Variants in DNAH5 observed in about 807,000 individuals in gnomAD.
DNAH5 encodes axonemal beta dynein heavy chain 5.
In DNAH5, 372 loss-of-function variants were observed where a neutral mutation model predicts 518.2. The observed-to-expected ratio is 0.72, with a 90% CI of 0.66 to 0.78. DNAH5 has a LOEUF of 0.78. Ranked by LOEUF, DNAH5 falls within the 30% of genes least tolerant of loss-of-function variation. The pLI is 0.00. For missense variants in DNAH5, 5,523 were observed against 5,687.0 expected (o/e 0.97, Z 0.93); for synonymous variants, 2,039 against 2,025.9 (o/e 1.01, Z -0.17).
At chr5:13,968,653 T>G (rs1056859729) in intron 1 of DNAH5, among the ~76,000 whole-genome samples, 2 of 152,204 alleles carry the variant, frequency 1.3e-5, no homozygotes, top group African/African-American at 4.8e-5. Flanking sequence ...CCTGAATCCC[T>G]GGTATAAAAC....
chr5:13,857,664 T>G (rs778785172), intron 30 of DNAH5, among the ~76,000 whole-genome samples: 66 of 151,904 alleles, frequency 4.3e-4, no homozygotes, highest in Non-Finnish European at 7.8e-4. Flanking sequence ...CCAAAACAGA[T>G]ATATAGACCA....
At chr5:13,859,377 C>T in intron 30 of DNAH5, 75 bp downstream of exon 30, 1 of 1,487,706 alleles carries the variant, frequency 6.7e-7, no homozygotes, top group Non-Finnish European at 9.4e-7. Context: ...AATATTATTG[C>T]ATTATTTAAG....
At chr5:14,005,908 G>A (rs1052085309) in intron 1 of DNAH5, among the ~76,000 whole-genome samples, 13 of 152,178 alleles carry the variant, frequency 8.5e-5, no homozygotes, top group African/African-American at 2.7e-4. Flanking sequence ...GGAGGCAGCC[G>A]GAAGGCAAAA....
intron 38 of DNAH5, among the ~76,000 whole-genome samples, chr5:13,826,150 G>A (rs983977010): frequency 6.6e-6 from 1 of 152,198 alleles, no homozygotes; most frequent in Non-Finnish European, 1.5e-5. Flanking sequence ...TGGGCATGAA[G>A]GGAAAGTCAC....
intron 32 of DNAH5, among the ~76,000 whole-genome samples, chr5:13,843,836 A>G (rs532672281): frequency 3.3e-5 from 5 of 152,356 alleles, no homozygotes; most frequent in African/African-American, 1.2e-4. Context: ...AGGTTCCCTG[A>G]TGGGCATTCT....
chr5:13,972,084 G>A (rs963146249), intron 1 of DNAH5, among the ~76,000 whole-genome samples: 3 of 152,128 alleles, frequency 2.0e-5, no homozygotes, highest in South Asian at 2.1e-4. Flanking sequence ...GTGTCATACA[G>A]GTGGCCAAGG....
At chr5:13,764,831 T>G (rs1752292389) in intron 59 of DNAH5, among the ~76,000 whole-genome samples, 1 of 152,214 alleles carries the variant, frequency 6.6e-6, no homozygotes, top group African/African-American at 2.4e-5. Context: ...TGAAGCATAT[T>G]ATAGTGTTTC....
At chr5:13,990,279 A>G (rs781497201) in intron 1 of DNAH5, among the ~76,000 whole-genome samples, 7 of 151,782 alleles carry the variant, frequency 4.6e-5, no homozygotes, top group Non-Finnish European at 5.9e-5. Flanking sequence ...GCGGCCAGGC[A>G]CGGTGGCTCA....
chr5:13,863,202 C>T (rs1025633823), intron 28 of DNAH5, among the ~76,000 whole-genome samples: 2 of 152,162 alleles, frequency 1.3e-5, no homozygotes, highest in African/African-American at 4.8e-5. Flanking sequence ...CCTCAACCTT[C>T]TCCTAGACCA....
At chr5:13,733,159 A>G (rs1219700814) in intron 68 of DNAH5, among the ~76,000 whole-genome samples, 1 of 152,198 alleles carries the variant, frequency 6.6e-6, no homozygotes, top group Non-Finnish European at 1.5e-5. Context: ...TACTATGTAG[A>G]TTTTACTATC....
At chr5:13,938,651 G>C (rs1779182943) in intron 1 of DNAH5, among the ~76,000 whole-genome samples, 1 of 151,974 alleles carries the variant, frequency 6.6e-6, no homozygotes, top group Non-Finnish European at 1.5e-5. Flanking sequence ...TTCAGTGGGG[G>C]TCTTGGAATA....
In DNAH5 at chr5:13,792,205, AC is replaced by A; in HGVS notation, c.8236del (p.Val2746Ter). On this transcript the variant is annotated frameshift_variant, in exon 50 of 79. Coordinates refer to ENST00000265104, the MANE Select transcript of DNAH5 (RefSeq NM_001369.3). LOFTEE classifies it high-confidence loss of function. ...SVDKIFGVIG[V>X]GHYCTQRGFS... Reference sequence around the variant, plus strand: ...ACCCCTCTGAGTACAGTAGTGGCCTACCCCAATCACACCTGAAAAGGGGGAA... The same window carrying A: ...ACCCCTCTGAGTACAGTAGTGGCCTACCCAATCACACCTGAAAAGGGGGAA... The A allele has an allele frequency of 6.2e-7, 1 of 1,613,806 alleles. No homozygotes were observed. Among genetic ancestry groups the A allele is most frequent in the Non-Finnish European group, 8.5e-7 (1 of 1,179,744 alleles).
chr5:13,753,228 A>G lies in DNAH5; in HGVS notation c.10872+5T>C. On this transcript the variant is annotated splice_donor_5th_base_variant and intron_variant, in intron 63 of 78. Transcript: ENST00000265104. ...GTAGCATAAACATACTAAAACACAA[A>G]TTACCTGGAGTTCATTTCGGCTTTC... 1 of 1,611,324 alleles carries G rather than the reference A, an allele frequency of 6.2e-7. No homozygotes were observed.
chr5:13,971,913 C>T (rs1323052645), intron 1 of DNAH5, among the ~76,000 whole-genome samples: 1 of 152,070 alleles, frequency 6.6e-6, no homozygotes, highest in Non-Finnish European at 1.5e-5. Context: ...CTTCAGCTAC[C>T]AAGGTGGGTA....
chr5:13,701,132 C>T lies in DNAH5; in HGVS notation c.13491+152G>A, dbSNP rs1742051097. The T allele has an allele frequency of 2.8e-6, 3 of 1,059,694 alleles. No individual in the cohort carries two copies. The South Asian group carries it at 4.3e-5, about 15-fold the overall frequency. The allele number at this position is 1,059,694 out of a possible 1,614,324, so 65.6% of individuals were successfully genotyped here. On this transcript the variant is annotated intron_variant, in intron 77 of 78. Coordinates refer to ENST00000265104, the MANE Select transcript of DNAH5 (RefSeq NM_001369.3). ...AGTCGAGCTAGCAGCCTGAGAACAA[C>T]TGGCTGGGATTTATGTACATGACAA...
chr5:13,692,091 G>C lies in DNAH5; in HGVS notation c.13768C>G (p.Pro4590Ala). 6.2e-7 allele frequency: 1 copy of C among 1,614,016 alleles called. No homozygotes were observed. Among genetic ancestry groups the C allele is most frequent in the Non-Finnish European group, 8.5e-7 (1 of 1,179,968 alleles). The change falls in exon 79 of 79, where the codon CCA (proline) becomes GCA (alanine). Residue 4590 changes from proline to alanine, a missense_variant. Pro to Ala is a conservative substitution (Grantham distance 27). Transcript: ENST00000265104. ...RFYSCPIYKKPVRTDLNYIAA... is the reference protein window; with the variant it reads ...RFYSCPIYKKAVRTDLNYIAA... Reference sequence around the variant, plus strand: ...ATGTAGTTCAAGTCCGTTCGAACTGGCTTCTTATAGATGGGACAGGAGTAA... The same window carrying C: ...ATGTAGTTCAAGTCCGTTCGAACTGCCTTCTTATAGATGGGACAGGAGTAA...
At chr5:13,863,138 T>A (rs1768730477) in intron 28 of DNAH5, among the ~76,000 whole-genome samples, 1 of 152,166 alleles carries the variant, frequency 6.6e-6, no homozygotes, top group Non-Finnish European at 1.5e-5. Flanking sequence ...TGAACACAGG[T>A]AGCAGAAACC....
At chr5:13,933,094 C>T (rs1778576087) in intron 1 of DNAH5, among the ~76,000 whole-genome samples, 1 of 152,196 alleles carries the variant, frequency 6.6e-6, no homozygotes, top group Non-Finnish European at 1.5e-5. Flanking sequence ...CCAGACATTG[C>T]CAAATGGCCC....
At chr5:13,876,857 C>A (rs536382668) in intron 21 of DNAH5, 40 bp from the exon 22 acceptor site, 2 of 1,596,286 alleles carry the variant, frequency 1.3e-6, no homozygotes, top group Admixed American at 3.3e-5. Context: ...ACACTACTCA[C>A]ACAAGAATGT....
Sources: allele counts gnomAD v4.1 joint callset (sites outside exome capture counted in the v4.1 genomes callset), GRCh38; gene constraint gnomAD v4.1.1; transcripts MANE v1.5; gene names NCBI Gene and HGNC (gene_info 2026-07-23, HGNC 2026-07-21).